The following ZNF77 variants were observed in gnomAD, a reference collection of about 807,000 sequenced individuals.
The protein encoded by ZNF77 is zinc finger protein 77.
Under a neutral mutation model 13.5 loss-of-function variants are expected in ZNF77, and 15 were observed. The observed-to-expected ratio is 1.11, with a 90% CI of 0.74 to 1.71. The LOEUF (loss-of-function observed/expected upper bound fraction) is 1.71. Among genes scored for constraint, ZNF77 ranks in the 40% most tolerant of loss-of-function variants. The probability of loss-of-function intolerance (pLI) is 0.00; values close to 1 mark genes in which losing one functional copy is unlikely to be tolerated. For synonymous variants in ZNF77, 282 were observed against 250.0 expected, an observed-to-expected ratio of 1.13 and a Z score of -1.21; for missense variants, 717 against 676.4, an observed-to-expected ratio of 1.06 and a Z score of -0.67.
rs1489912981 is a variant in ZNF77, at chr19:2,934,309, C to T, written c.818G>A (p.Cys273Tyr). Residue 273 changes from cysteine to tyrosine, a missense_variant, in exon 4 of 4, where the codon TGT (cysteine) becomes TAT (tyrosine). Coordinates refer to ENST00000314531, the MANE Select transcript of ZNF77 (RefSeq NM_021217.3). ...TGEKPYECKE[C>Y]GKAFSCPSYF... ...TGAGGGACAGCTGAAGGCTTTCCCA[C>T]ACTCCTTACACTCATAGGGTTTCTC... The T allele has an allele frequency of 5.6e-6, 9 of 1,613,564 alleles. No homozygotes were observed. In the Admixed American group the frequency reaches 1.5e-4, roughly 27 times the overall value.
rs1001796053 is a variant in ZNF77, at chr19:2,933,615, G to C, written c.1512C>G (p.Ser504=). 1 of 1,613,970 alleles carries C rather than the reference G, an allele frequency of 6.2e-7. No homozygotes were observed. The highest frequency in any genetic ancestry group is 1.3e-5 in the African/African-American group (1 of 74,942). The stretch of plus-strand genomic sequence containing the variant: ...TTCTCACGTGCACACGAAGGGACGA[G>C]GAACAACTGTAGGCTTTCCCACATT... ...CTECGKAYSC[S]SSLRVHVRTH... is the part of the protein sequence containing the mutation. Residue 504 remains serine (S), a synonymous_variant, in exon 4 of 4, where the codon TCC becomes TCG. Coordinates refer to ENST00000314531, the MANE Select transcript of ZNF77 (RefSeq NM_021217.3).
intron 1 of ZNF77, 61 bp downstream of exon 1, chr19:2,944,777 A>T: frequency 6.7e-7 from 1 of 1,486,544 alleles, no homozygotes; most frequent in Non-Finnish European, 8.9e-7. Flanking sequence ...CTCGGGCGGA[A>T]GCCGGTTCCT....
intron 1 of ZNF77, among the ~76,000 whole-genome samples, chr19:2,944,232 TA>T (rs1466467932): frequency 2.2e-5 from 2 of 90,976 alleles, no homozygotes; most frequent in Non-Finnish European, 2.2e-5. Context: ...CTGCCCCCCT[TA>T]AAGTGCCCCT....
intron 2 of ZNF77, 85 bp from the exon 3 acceptor site, chr19:2,936,789 T>A: frequency 1.6e-6 from 2 of 1,274,632 alleles, no homozygotes; most frequent in Non-Finnish European, 2.2e-6. Flanking sequence ...TTTCATATAG[T>A]AATCCAAAAA....
chr19:2,937,501 A>G (rs150215246), intron 2 of ZNF77, among the ~76,000 whole-genome samples: 42 of 152,250 alleles, frequency 2.8e-4, no homozygotes, highest in African/African-American at 8.7e-4. Context: ...TCAAAAAAAA[A>G]AAAAGAAGAG....
chr19:2,933,984 C>G lies in ZNF77; in HGVS notation c.1143G>C (p.Val381=). 2 of 1,614,166 alleles carry G rather than the reference C, an allele frequency of 1.2e-6. No individual in the cohort carries two copies. Among genetic ancestry groups the G allele is most frequent in the Non-Finnish European group, 1.7e-6 (2 of 1,180,036 alleles). Residue 381 remains valine (V), a synonymous_variant, in exon 4 of 4, where the codon GTG becomes GTC. Transcript: ENST00000314531. Reference sequence around the variant, plus strand: ...CGAAGGCCTTCCCACACTGCTTGCACACATAGGGCTTCTCTCCGGTGTGCA... The same window carrying G: ...CGAAGGCCTTCCCACACTGCTTGCAGACATAGGGCTTCTCTCCGGTGTGCA... The part of the protein sequence containing the change: ...MRMHTGEKPY[V]CKQCGKAFGC...
intron 1 of ZNF77, among the ~76,000 whole-genome samples, chr19:2,942,868 C>T (rs1599622431): frequency 6.6e-6 from 1 of 152,272 alleles, no homozygotes; most frequent in East Asian, 1.9e-4. Context: ...CAACCTCTGC[C>T]TCCCGAGTTC....
At chr19:2,935,085 C>A (rs2088384056) in intron 3 of ZNF77, among the ~76,000 whole-genome samples, 1 of 152,096 alleles carries the variant, frequency 6.6e-6, no homozygotes, top group African/African-American at 2.4e-5. Context: ...GTGGCGCCAT[C>A]TCGGCTCACT....
Position 2,933,862 on chromosome 19 carries a change from G to A in ZNF77, c.1265C>T (p.Ser422Phe), listed in dbSNP as rs767651553. The change falls in exon 4 of 4, where the codon TCC (serine) becomes TTC (phenylalanine). Residue 422 changes from serine to phenylalanine, a missense_variant. Physicochemically the swap from Ser to Phe is radical, Grantham distance 155. Transcript: ENST00000314531. ...ECGKAYSFSS[S>F]LRIHVRTHTG... ...ATGCGTCCTCACGTGGATTCGAAGG[G>A]AGGAGGAAAAACTGTAGGCTTTCCC... The A allele has an allele frequency of 4.1e-5, 66 of 1,613,482 alleles. No individual in the cohort carries two copies. The highest frequency in any genetic ancestry group is 5.3e-5 in the Non-Finnish European group (62 of 1,179,800).
intron 2 of ZNF77, among the ~76,000 whole-genome samples, chr19:2,937,968 G>C (rs2088412514): frequency 6.6e-6 from 1 of 152,122 alleles, no homozygotes; most frequent in African/African-American, 2.4e-5. Flanking sequence ...CGTTGGCCAG[G>C]CTGGTCTTGA....
chr19:2,939,513 A>C (rs528489636), intron 1 of ZNF77, 106 bp from the exon 2 acceptor site: 2 of 1,525,198 alleles, frequency 1.3e-6, no homozygotes, highest in East Asian at 2.3e-5. Context: ...CACAGAGCTT[A>C]TGTCCTTGTG....
At chr19:2,942,075 C>CTT (rs36016142) in intron 1 of ZNF77, among the ~76,000 whole-genome samples, 110 of 144,092 alleles carry the variant, frequency 7.6e-4, no homozygotes, top group African/African-American at 1.5e-3. Flanking sequence ...AGCATTTATT[C>CTT]TTTTTTTTTT....
rs1483579762 is a variant in ZNF77 at position 2,933,817 on chromosome 19, T to G, written c.1310A>C (p.Glu437Ala). The G allele has an allele frequency of 6.2e-7, 1 of 1,613,208 alleles. No homozygotes were observed. The highest frequency in any genetic ancestry group is 8.5e-7 in the Non-Finnish European group (1 of 1,179,378). The change falls in exon 4 of 4, where the codon GAG (glutamate) becomes GCG (alanine). Residue 437 changes from glutamate (E) to alanine (A), a missense_variant. Transcript: ENST00000314531. ...GAAGGCTTTCCCACAATGCTTACACTCAAAGGGCTTCTCTCCAGTATGCGT... is the reference window on the plus strand; with the variant it reads ...GAAGGCTTTCCCACAATGCTTACACGCAAAGGGCTTCTCTCCAGTATGCGT... ...VRTHTGEKPF[E>A]CKHCGKAFSC...
At position 2,934,195 on chromosome 19, in the gene ZNF77, A is replaced by G. The variant is rs1305391489; in HGVS notation, c.932T>C (p.Phe311Ser). 1.2e-6 allele frequency: 2 copies of G among 1,613,972 alleles called. No individual in the cohort carries two copies. Among genetic ancestry groups the G allele is most frequent in the Non-Finnish European group, 1.7e-6 (2 of 1,180,016 alleles). The change falls in exon 4 of 4, where the codon TTT becomes TCT. Residue 311 changes from phenylalanine (F) to serine (S), a missense_variant. Transcript: ENST00000314531. ...CGKSFSCYSS[F>S]RDHVRTHTGE... ...AGTGTGCGTCCTCACGTGATCTCTAAAGGAGGAGTAACAGCTGAATGATTT... is the reference window on the plus strand; with the variant it reads ...AGTGTGCGTCCTCACGTGATCTCTAGAGGAGGAGTAACAGCTGAATGATTT...
At position 2,939,329 on chromosome 19, in the gene ZNF77, G is replaced by A. The variant is rs760925272; in HGVS notation, c.82C>T (p.Leu28Phe). Residue 28 changes from leucine (L) to phenylalanine (F), a missense_variant, in exon 2 of 4, where the codon CTC becomes TTC. Physicochemically the swap from Leu to Phe is conservative, Grantham distance 22 (BLOSUM62 0). Coordinates refer to ENST00000314531, the MANE Select transcript of ZNF77 (RefSeq NM_021217.3). The stretch of plus-strand genomic sequence containing the variant: ...GTCTCCAGCATCACATCTCTGTAGA[G>A]GCTCCTCTGAGCATGATCCAGCAAT... ...WALLDHAQRS[L>F]YRDVMLETCR... The A allele has an allele frequency of 3.1e-6, 5 of 1,614,186 alleles. No individual in the cohort carries two copies. The highest frequency in any genetic ancestry group is 1.1e-5 in the South Asian group (1 of 91,090).
At position 2,933,922 on chromosome 19, in the gene ZNF77, T is replaced by C; in HGVS notation, c.1205A>G (p.His402Arg). ...PTYFRRHVKTHSGVKPYQCKE... is the reference protein window; with the variant it reads ...PTYFRRHVKTRSGVKPYQCKE... ...ACATTGATAGGGCTTCACCCCGCTG[T>C]GTGTTTTCACATGTCTTCTAAAGTA... The change falls in exon 4 of 4, where the codon CAC (histidine) becomes CGC (arginine). Residue 402 changes from histidine (H) to arginine (R), a missense_variant. By Grantham distance (29) the His-to-Arg change is conservative. Coordinates refer to ENST00000314531, the MANE Select transcript of ZNF77 (RefSeq NM_021217.3). The C allele has an allele frequency of 6.2e-7, 1 of 1,613,866 alleles. No individual in the cohort carries two copies. The highest frequency in any genetic ancestry group is 8.5e-7 in the Non-Finnish European group (1 of 1,179,970).
intron 2 of ZNF77, among the ~76,000 whole-genome samples, chr19:2,937,997 A>AAGG (rs2088412764): frequency 6.6e-6 from 1 of 152,044 alleles, no homozygotes; most frequent in East Asian, 1.9e-4. Flanking sequence ...CCTTAGGTGA[A>AAGG]CCACCCACCT....
chr19:2,944,710 G>C (rs942022154), intron 1 of ZNF77, 128 bp downstream of exon 1: 1 of 1,317,412 alleles, frequency 7.6e-7, no homozygotes, highest in Non-Finnish European at 1.0e-6. Context: ...CGTCCCCGGG[G>C]CCCAGGCGCT....
Position 2,944,949 on chromosome 19 carries a change from C to T in ZNF77, c.-109G>A. ...CGCTCGGGGTAGGCGGGGAAGCGCG[C>T]AAGGCAGAGGGGAACTCGGCTTACC... is the stretch of plus-strand genomic sequence containing the variant. On this transcript the variant is annotated 5_prime_UTR_variant, in exon 1 of 4. Transcript: ENST00000314531. 1 of 1,390,326 alleles carries T rather than the reference C, an allele frequency of 7.2e-7. No individual in the cohort carries two copies. The highest frequency in any genetic ancestry group is 9.5e-7 in the Non-Finnish European group (1 of 1,055,232). 86.1% of individuals were successfully genotyped at this position (1,390,326 alleles called of 1,614,324 possible).
Sources: gnomAD v4.1 joint callset for allele counts (sites outside exome capture counted in the v4.1 genomes callset) on GRCh38, gnomAD v4.1.1 for gene constraint, MANE v1.5 for transcripts, NCBI Gene and HGNC (gene_info 2026-07-23, HGNC 2026-07-21) for gene names.